The following DLG2 variants were observed in gnomAD, a reference collection of about 807,000 sequenced individuals.
The protein encoded by DLG2 is disks large homolog 2.
In DLG2, 45 loss-of-function variants were observed where a neutral mutation model predicts 132.5. The observed-to-expected ratio is 0.34, with a 90% CI of 0.27 to 0.44. The LOEUF is 0.44. Ranked by LOEUF, DLG2 falls within the 20% of genes least tolerant of loss-of-function variation. The pLI is 1.00. For synonymous variants in DLG2, 424 were observed against 419.6 expected, an observed-to-expected ratio of 1.01 and a Z score of -0.13; for missense variants, 1,045 against 1,196.9, an observed-to-expected ratio of 0.87 and a Z score of 1.87.
chr11:85,073,102 T>C (rs1196762010), intron 6 of DLG2, among the ~76,000 whole-genome samples: 1 of 151,882 alleles, frequency 6.6e-6, no homozygotes, highest in African/African-American at 2.4e-5. Context: ...ATTAAACATA[T>C]TTCAAAATTT....
chr11:85,277,730 T>G (rs1248891319), intron 4 of DLG2, among the ~76,000 whole-genome samples: 1 of 152,160 alleles, frequency 6.6e-6, no homozygotes, highest in Non-Finnish European at 1.5e-5. Context: ...ATTTTCTTCT[T>G]TATAAATCAA....
intron 7 of DLG2, among the ~76,000 whole-genome samples, chr11:84,407,157 T>G (rs781669247): frequency 6.6e-6 from 1 of 152,218 alleles, no homozygotes; most frequent in Non-Finnish European, 1.5e-5. Context: ...CTTCTCTGCC[T>G]GAATCTCTCT....
chr11:85,336,846 G>A (rs188935871), intron 3 of DLG2, among the ~76,000 whole-genome samples: 1 of 152,090 alleles, frequency 6.6e-6, no homozygotes, highest in African/African-American at 2.4e-5. Flanking sequence ...CTATTTAATG[G>A]AAAAAATTAA....
intron 6 of DLG2, among the ~76,000 whole-genome samples, chr11:84,889,017 G>A (rs746704967): frequency 4.6e-5 from 7 of 152,136 alleles, no homozygotes; most frequent in Non-Finnish European, 8.8e-5. Context: ...TGATACCTAT[G>A]TCTTATGTTT....
At chr11:84,791,194 C>T (rs903099436) in intron 6 of DLG2, among the ~76,000 whole-genome samples, 2 of 152,110 alleles carry the variant, frequency 1.3e-5, no homozygotes, top group South Asian at 2.1e-4. Context: ...GAAAACTGCC[C>T]CCATAAACCA....
chr11:85,397,451 G>C (rs952990287), intron 3 of DLG2, among the ~76,000 whole-genome samples: 5 of 152,150 alleles, frequency 3.3e-5, no homozygotes, highest in Non-Finnish European at 2.9e-5. Flanking sequence ...ATGTAAATGG[G>C]CAAAATGCCC....
intron 15 of DLG2, among the ~76,000 whole-genome samples, chr11:83,912,864 A>G (rs1441133771): frequency 1.3e-5 from 2 of 152,088 alleles, no homozygotes; most frequent in Admixed American, 1.3e-4. Context: ...CTGGAATTAC[A>G]CAGATAGAAT....
chr11:84,676,329 T>C (rs2153700010), intron 6 of DLG2, among the ~76,000 whole-genome samples: 1 of 152,220 alleles, frequency 6.6e-6, no homozygotes, highest in South Asian at 2.1e-4. Context: ...TCTTTCTTTT[T>C]CCCCTTTACT....
At chr11:84,215,495 A>G (rs2096824214) in intron 8 of DLG2, among the ~76,000 whole-genome samples, 1 of 152,138 alleles carries the variant, frequency 6.6e-6, no homozygotes, top group Non-Finnish European at 1.5e-5. Flanking sequence ...GTTAACAAAG[A>G]GCTGGAGGTC....
intron 6 of DLG2, among the ~76,000 whole-genome samples, chr11:84,583,005 C>T (rs1429949817): frequency 1.3e-5 from 2 of 152,124 alleles, no homozygotes; most frequent in African/African-American, 2.4e-5. Flanking sequence ...CATGGTTTTG[C>T]TTATGCTGAC....
At chr11:83,586,903 T>G (rs1221328824) in intron 19 of DLG2, among the ~76,000 whole-genome samples, 1 of 152,172 alleles carries the variant, frequency 6.6e-6, no homozygotes, top group East Asian at 1.9e-4. Context: ...CACACCAGGG[T>G]TGTGAAAATC....
At chr11:84,631,004 TCTCTCTCTCTCTCTCACACACACACA>T (rs2099630731) in intron 6 of DLG2, among the ~76,000 whole-genome samples, 1 of 128,778 alleles carries the variant, frequency 7.8e-6, no homozygotes, top group African/African-American at 3.3e-5. Context: ...TCTCTCTCTC[TCTCTCTCTCTCTCTCACACACACACA>T]CACACACACA....
At position 84,411,668 on chromosome 11, in the gene DLG2, T is replaced by C. The variant is rs551997795; in HGVS notation, c.519+122902A>G. 2.0e-5 allele frequency among the ~76,000 whole-genome samples: 3 copies of C among 152,316 alleles called. No individual in the cohort carries two copies. In the East Asian group the frequency reaches 5.8e-4, roughly 29 times the overall value. On this transcript the variant is annotated intron_variant, in intron 7 of 27. Transcript: ENST00000376104. ...ATTGTTAATAGAATGAAACACATTT[T>C]CATTTTGTAAGGTGCAGAGAACATA...
intron 7 of DLG2, among the ~76,000 whole-genome samples, chr11:84,515,606 GAATGGA>G (rs1255252138): frequency 4.6e-5 from 7 of 151,768 alleles, no homozygotes; most frequent in African/African-American, 1.7e-4. Context: ...GGATAGATCT[GAATGGA>G]GAGCCAGACT....
At chr11:84,349,950 G>T (rs1307663162) in intron 7 of DLG2, among the ~76,000 whole-genome samples, 1 of 151,970 alleles carries the variant, frequency 6.6e-6, no homozygotes, top group Non-Finnish European at 1.5e-5. Flanking sequence ...GGCCGAGATG[G>T]GCAGATCACG....
In DLG2 at chr11:83,930,322, C is replaced by G. The variant is rs750609694; in HGVS notation, c.1496+6G>C. On this transcript the variant is annotated splice_donor_region_variant and intron_variant, in intron 15 of 27. Coordinates refer to ENST00000376104, the MANE Select transcript of DLG2 (RefSeq NM_001142699.3). ...AGAAGATGAAGTGAGGAAGCGCATG[C>G]AGTACCTGGTCATCTCAGAGTCAGG... 21 of 1,613,230 alleles carry G rather than the reference C, an allele frequency of 1.3e-5. No homozygotes were observed. Among genetic ancestry groups the G allele is most frequent in the Non-Finnish European group, 1.8e-5 (21 of 1,179,618 alleles).
At chr11:85,565,681 A>G (rs1217577034) in intron 3 of DLG2, among the ~76,000 whole-genome samples, 1 of 152,156 alleles carries the variant, frequency 6.6e-6, no homozygotes, top group Non-Finnish European at 1.5e-5. Flanking sequence ...AGCATGTATC[A>G]GCACTTCATT....
At chr11:85,187,672 A>T (rs1517315) in intron 4 of DLG2, among the ~76,000 whole-genome samples, 1 of 152,134 alleles carries the variant, frequency 6.6e-6, no homozygotes, top group Non-Finnish European at 1.5e-5. Context: ...GCATGCTCCC[A>T]TCTCCACTCC....
rs138710893 is a variant in DLG2 at position 84,762,322 on chromosome 11, C to T, written c.358-227591G>A. ...CCTTTTATCTTCATGGTACTTTGCA[C>T]AAGGTCTTAGATGGTGGCGTTCAAT... is the stretch of plus-strand genomic sequence containing the variant. On this transcript the variant is annotated intron_variant, in intron 6 of 27. Coordinates refer to ENST00000376104, the MANE Select transcript of DLG2 (RefSeq NM_001142699.3). 4.1e-3 allele frequency among the ~76,000 whole-genome samples: 621 copies of T among 152,252 alleles called. 3 individuals carry two copies. The highest frequency in any genetic ancestry group is 0.017 in the Middle Eastern group (5 of 294).
Sources: gnomAD v4.1 joint callset for allele counts (sites outside exome capture counted in the v4.1 genomes callset) on GRCh38, gnomAD v4.1.1 for gene constraint, MANE v1.5 for transcripts, NCBI Gene and HGNC (gene_info 2026-07-23, HGNC 2026-07-21) for gene names.